Variants in TGFB2 observed in about 807,000 individuals in gnomAD.
TGFB2 encodes the protein transforming growth factor beta-2 proprotein.
TGFB2 carries 13 observed loss-of-function variants against 42.7 expected under a neutral mutation model. That is an observed-to-expected ratio of 0.30 (90% CI 0.20 to 0.48). The LOEUF is 0.48. Among genes scored for constraint, TGFB2 ranks in the 20% least tolerant of loss-of-function variants. The pLI is 0.99. For missense variants in TGFB2, 390 were observed against 517.5 expected (o/e 0.75, Z 2.39); for synonymous variants, 193 against 193.6 (o/e 1.00, Z 0.03).
intron 1 of TGFB2, among the ~76,000 whole-genome samples, chr1:218,392,716 C>T (rs1420932625): frequency 6.6e-6 from 1 of 152,236 alleles, no homozygotes; most frequent in Non-Finnish European, 1.5e-5. Context: ...TCAATAAAGA[C>T]TTGCAGAGAA....
At chr1:218,397,563 C>CAA (rs759635592) in intron 1 of TGFB2, among the ~76,000 whole-genome samples, 14,796 of 91,110 alleles carry the variant, frequency 0.16, 1,491 homozygotes, top group African/African-American at 0.34. Flanking sequence ...GACTCCGTCT[C>CAA]AAAAAAAAAA....
At chr1:218,429,671 A>G (rs148114125) in intron 2 of TGFB2, among the ~76,000 whole-genome samples, 23 of 152,296 alleles carry the variant, frequency 1.5e-4, no homozygotes, top group African/African-American at 3.4e-4. Flanking sequence ...GAACTAGCAA[A>G]CTGTTTTCCA....
chr1:218,347,267 C>G (rs1221283365), intron 1 of TGFB2, among the ~76,000 whole-genome samples: 1 of 152,170 alleles, frequency 6.6e-6, no homozygotes, highest in African/African-American at 2.4e-5. Context: ...TCTTTCCCTT[C>G]CCCCTAACAA....
chr1:218,379,806 A>G lies in TGFB2; in HGVS notation c.347-25363A>G, dbSNP rs547681386. 1.3e-5 allele frequency among the ~76,000 whole-genome samples: 2 copies of G among 152,224 alleles called. 1 individual carries two copies. Among genetic ancestry groups the G allele is most frequent in the East Asian group, 3.9e-4 (2 of 5,180 alleles). ...CATTTTCTTTCACATGCTTTTAGTT[A>G]ATGGAGGAAGCTGGGTCTTAAAATA... On this transcript the variant is annotated intron_variant, in intron 1 of 6. Transcript: ENST00000366930.
In TGFB2 at chr1:218,346,638, ATTG is replaced by A. The variant is rs766872271; in HGVS notation, c.-60_-58del. 12 of 1,404,866 alleles carry A rather than the reference ATTG, an allele frequency of 8.5e-6. No individual in the cohort carries two copies. Among genetic ancestry groups the A allele is most frequent in the African/African-American group, 5.8e-5 (4 of 68,740 alleles). The allele number at this position is 1,404,866 out of a possible 1,614,324, so 87.0% of individuals were successfully genotyped here. A position where few individuals can be genotyped will look rare whatever the true frequency, so the allele number is the denominator to read the frequency against. On this transcript the variant is annotated 5_prime_UTR_variant, in exon 1 of 7. Coordinates refer to ENST00000366930, the MANE Select transcript of TGFB2 (RefSeq NM_003238.6). This position sits in a 1 kb window ranked among gnomAD's most constrained non-coding sequence, Gnocchi z 4.9. ...ACTCTCCTTGATCTATACTTTGAGA[ATTG>A]TTGATTTCTTTTTTTTATTCTGACT...
intron 2 of TGFB2, among the ~76,000 whole-genome samples, chr1:218,422,445 T>C (rs1277110507): frequency 6.6e-6 from 1 of 152,124 alleles, no homozygotes; most frequent in Non-Finnish European, 1.5e-5. Context: ...GGTCTCAAAC[T>C]TCTGGGCTCA....
intron 1 of TGFB2, among the ~76,000 whole-genome samples, chr1:218,379,955 A>G (rs3892225): frequency 0.17 from 25,875 of 152,140 alleles, 2,226 homozygotes; most frequent in South Asian, 0.21. Flanking sequence ...AACAATAATA[A>G]TACCGATGCG....
intron 1 of TGFB2, among the ~76,000 whole-genome samples, chr1:218,357,846 C>T (rs1031789152): frequency 4.6e-5 from 7 of 152,142 alleles, no homozygotes; most frequent in South Asian, 2.1e-4. Context: ...AGAGACGCTG[C>T]GTTTCTGAAG....
chr1:218,376,841 C>CATTT (rs1364763162), intron 1 of TGFB2, among the ~76,000 whole-genome samples: 3 of 152,220 alleles, frequency 2.0e-5, no homozygotes, highest in Non-Finnish European at 4.4e-5. Flanking sequence ...TGCTGAATGA[C>CATTT]ATTTACAAGC....
chr1:218,396,218 T>A (rs1658507032), intron 1 of TGFB2, among the ~76,000 whole-genome samples: 1 of 152,198 alleles, frequency 6.6e-6, no homozygotes, highest in African/African-American at 2.4e-5. Context: ...ACCCAGTAGA[T>A]CTAATATGGA....
At chr1:218,376,119 A>G (rs1410204744) in intron 1 of TGFB2, among the ~76,000 whole-genome samples, 2 of 152,208 alleles carry the variant, frequency 1.3e-5, no homozygotes, top group Non-Finnish European at 2.9e-5. Context: ...ACAGTCAACA[A>G]TAATAGATTG....
At chr1:218,422,193 T>TCTTC (rs1659476081) in intron 2 of TGFB2, among the ~76,000 whole-genome samples, 1 of 151,916 alleles carries the variant, frequency 6.6e-6, no homozygotes, top group Admixed American at 6.6e-5. Context: ...TTTCTTTCTT[T>TCTTC]CTTCTTGTTT....
chr1:218,430,481 A>G (rs1197862580), intron 2 of TGFB2, among the ~76,000 whole-genome samples: 1 of 152,194 alleles, frequency 6.6e-6, no homozygotes, highest in African/African-American at 2.4e-5. Context: ...CACAACTACT[A>G]ACATTCAATA....
intron 2 of TGFB2, among the ~76,000 whole-genome samples, chr1:218,428,574 A>C (rs1294931084): frequency 6.6e-6 from 1 of 152,152 alleles, no homozygotes; most frequent in Non-Finnish European, 1.5e-5. Context: ...TTTTCCCAGC[A>C]CCATTTATTA....
intron 2 of TGFB2, among the ~76,000 whole-genome samples, chr1:218,428,041 T>A (rs1296841503): frequency 2.0e-5 from 3 of 152,188 alleles, no homozygotes; most frequent in Non-Finnish European, 4.4e-5. Context: ...TGGTGTGAGA[T>A]GGTATCTCAT....
At chr1:218,439,623 G>A (rs993897023) in intron 6 of TGFB2, among the ~76,000 whole-genome samples, 5 of 152,140 alleles carry the variant, frequency 3.3e-5, no homozygotes, top group Non-Finnish European at 5.9e-5. Context: ...ACTCGGGGGC[G>A]ACCGTGTGCT....
At chr1:218,418,191 G>C (rs1029458009) in intron 2 of TGFB2, among the ~76,000 whole-genome samples, 1 of 152,220 alleles carries the variant, frequency 6.6e-6, no homozygotes, top group African/African-American at 2.4e-5. Context: ...GCAGCCAAGA[G>C]GGGGGCTATA....
intron 1 of TGFB2, among the ~76,000 whole-genome samples, chr1:218,366,200 A>G (rs1020691534): frequency 6.6e-6 from 1 of 152,210 alleles, no homozygotes; most frequent in Non-Finnish European, 1.5e-5. Context: ...CTATGAAGGA[A>G]TGGATTAATA....
At chr1:218,423,737 A>G (rs1659530249) in intron 2 of TGFB2, among the ~76,000 whole-genome samples, 1 of 152,224 alleles carries the variant, frequency 6.6e-6, no homozygotes, top group Non-Finnish European at 1.5e-5. Context: ...ACTAGGCATT[A>G]GAAGCCTCTG....
Sources: allele counts gnomAD v4.1 joint callset (sites outside exome capture counted in the v4.1 genomes callset), GRCh38; gene constraint gnomAD v4.1.1; non-coding constraint Gnocchi (gnomAD v3.1); transcripts MANE v1.5; gene names NCBI Gene and HGNC (gene_info 2026-07-23, HGNC 2026-07-21).